The following SIPA1L1 variants were observed in gnomAD, a reference collection of about 807,000 sequenced individuals.
SIPA1L1 encodes signal-induced proliferation-associated 1-like protein 1.
SIPA1L1 carries 26 observed loss-of-function variants against 162.7 expected under a neutral mutation model. That is an observed-to-expected ratio of 0.16 (90% CI 0.12 to 0.22). SIPA1L1 has a LOEUF of 0.22. SIPA1L1 is among the 10% of genes least tolerant of loss of function. The pLI is 1.00. For missense variants in SIPA1L1, 1,874 were observed against 2,241.0 expected (o/e 0.84, Z 3.31); for synonymous variants, 829 against 837.4 (o/e 0.99, Z 0.17).
intron 2 of SIPA1L1, among the ~76,000 whole-genome samples, chr14:71,495,886 CAAAAAAAAAAAAA>C (rs61183823): frequency 1.2e-3 from 44 of 38,026 alleles, no homozygotes; most frequent in African/African-American, 4.0e-3. Flanking sequence ...TCCATCTCTA[CAAAAAAAAAAAAA>C]AAAAAAAAAA....
chr14:71,594,424 C>G (rs1427689798), intron 5 of SIPA1L1, among the ~76,000 whole-genome samples: 10 of 152,068 alleles, frequency 6.6e-5, no homozygotes, highest in Non-Finnish European at 1.5e-5. Flanking sequence ...TTTGTTTATT[C>G]AGTTTTTTTT....
intron 4 of SIPA1L1, among the ~76,000 whole-genome samples, chr14:71,580,170 C>G (rs571722498): frequency 3.9e-5 from 6 of 152,166 alleles, no homozygotes; most frequent in Admixed American, 2.0e-4. Flanking sequence ...ATCAGTACTA[C>G]CAGGTTCTTC....
intron 2 of SIPA1L1, among the ~76,000 whole-genome samples, chr14:71,356,620 G>C (rs1433537867): frequency 7.1e-6 from 1 of 140,020 alleles, no homozygotes; most frequent in Non-Finnish European, 1.5e-5. Flanking sequence ...CAGGGAGGCT[G>C]AGGCAGGAGG....
At chr14:71,665,444 C>G (rs976854562) in intron 10 of SIPA1L1, among the ~76,000 whole-genome samples, 9 of 152,122 alleles carry the variant, frequency 5.9e-5, no homozygotes, top group African/African-American at 2.2e-4. Flanking sequence ...TAAAGCTTAT[C>G]CCATAACTGA....
At chr14:71,436,394 G>A (rs1197916451) in intron 2 of SIPA1L1, among the ~76,000 whole-genome samples, 2 of 151,948 alleles carry the variant, frequency 1.3e-5, no homozygotes, top group East Asian at 1.9e-4. Flanking sequence ...TACTTTGTGG[G>A]GTTTTATGTT....
intron 2 of SIPA1L1, among the ~76,000 whole-genome samples, chr14:71,457,109 T>A (rs905136493): frequency 3.9e-5 from 6 of 152,006 alleles, no homozygotes; most frequent in Non-Finnish European, 8.8e-5. Flanking sequence ...AATATATTTT[T>A]TAATACTTCA....
At chr14:71,702,642 A>G in intron 15 of SIPA1L1, 137 bp downstream of exon 15, 2 of 788,022 alleles carry the variant, frequency 2.5e-6, no homozygotes, top group Admixed American at 6.0e-5. Context: ...TCTCTGTTAG[A>G]TTATGTATAA....
In SIPA1L1 at chr14:71,350,202, TGTG is replaced by T. The variant is rs1221218113; in HGVS notation, c.-465+29025_-465+29027del. On this transcript the variant is annotated intron_variant, in intron 2 of 23. Coordinates refer to ENST00000381232, the MANE Select transcript of SIPA1L1 (RefSeq NM_001386936.1). ...GGCGTGAGCCACCGCGCCTGGTTAA[TGTG>T]GTGAAACCCCGTCTCTACTAAACAC... Among the ~76,000 whole-genome samples, 10 of 151,326 alleles carry T rather than the reference TGTG, an allele frequency of 6.6e-5. No individual in the cohort carries two copies. The South Asian group carries it at 2.1e-3, about 32-fold the overall frequency.
chr14:71,613,087 C>T (rs2148365971), intron 5 of SIPA1L1, among the ~76,000 whole-genome samples: 1 of 152,184 alleles, frequency 6.6e-6, no homozygotes, highest in Middle Eastern at 3.4e-3. Flanking sequence ...CTTAGCTAAA[C>T]AGCACATCAA....
chr14:71,373,035 G>A, intron 2 of SIPA1L1, among the ~76,000 whole-genome samples: 1 of 152,238 alleles, frequency 6.6e-6, no homozygotes, highest in Non-Finnish European at 1.5e-5. Flanking sequence ...TGTTGGGCTG[G>A]GTGCAGTGGC....
intron 2 of SIPA1L1, among the ~76,000 whole-genome samples, chr14:71,389,547 T>C (rs1281170433): frequency 6.6e-6 from 1 of 152,220 alleles, no homozygotes. Context: ...TTTTATATTT[T>C]GTGTAGTCTT....
In SIPA1L1 at chr14:71,578,063, A is replaced by G. The variant is rs189097803; in HGVS notation, c.-302-9508A>G. On this transcript the variant is annotated intron_variant, in intron 4 of 23. Transcript: ENST00000381232. ...GTACCTCGGATTACAGGCACACGCT[A>G]TCATGCCTGGCTAATTTTTGTAGTT... is the stretch of plus-strand genomic sequence containing the variant. Among the ~76,000 whole-genome samples the G allele has an allele frequency of 4.9e-4, 75 of 152,088 alleles. 1 individual carries two copies. Among genetic ancestry groups the G allele is most frequent in the Admixed American group, 9.8e-4 (15 of 15,280 alleles).
intron 2 of SIPA1L1, among the ~76,000 whole-genome samples, chr14:71,322,445 A>G (rs932097609): frequency 3.9e-5 from 6 of 152,224 alleles, no homozygotes; most frequent in Non-Finnish European, 7.3e-5. Flanking sequence ...GAAAGCTGCA[A>G]TTAAGCTACC....
At chr14:71,689,513 A>C (rs193106087) in intron 13 of SIPA1L1, among the ~76,000 whole-genome samples, 67 of 152,364 alleles carry the variant, frequency 4.4e-4, no homozygotes, top group Middle Eastern at 3.4e-3. Context: ...TGAACTTGAT[A>C]CATTACTGTG....
At chr14:71,573,536 G>A in intron 4 of SIPA1L1, 1 of 456,632 alleles carries the variant, frequency 2.2e-6, no homozygotes, top group Non-Finnish European at 4.4e-6. Context: ...GATGTCTACA[G>A]CTGCACAAGG....
intron 2 of SIPA1L1, among the ~76,000 whole-genome samples, chr14:71,432,945 A>C (rs556551244): frequency 6.6e-6 from 1 of 152,342 alleles, no homozygotes; most frequent in East Asian, 1.9e-4. Context: ...CTGAACATGC[A>C]CAAATGCATG....
At chr14:71,378,587 G>GTGC (rs1339198658) in intron 2 of SIPA1L1, among the ~76,000 whole-genome samples, 1 of 152,106 alleles carries the variant, frequency 6.6e-6, no homozygotes, top group East Asian at 1.9e-4. Flanking sequence ...AATGTACCAT[G>GTGC]TGCATTTGAA....
chr14:71,583,379 G>T (rs2034189344), intron 4 of SIPA1L1, among the ~76,000 whole-genome samples: 1 of 152,140 alleles, frequency 6.6e-6, no homozygotes, highest in Non-Finnish European at 1.5e-5. Flanking sequence ...TCCTTCTACT[G>T]CCCTGAAACA....
At chr14:71,577,726 A>C (rs1175832658) in intron 4 of SIPA1L1, among the ~76,000 whole-genome samples, 2 of 126,060 alleles carry the variant, frequency 1.6e-5, no homozygotes, top group Non-Finnish European at 3.2e-5. Flanking sequence ...CTTGTTGGGC[A>C]TGCCTTTTTT....
Sources: gnomAD v4.1 joint callset for allele counts (sites outside exome capture counted in the v4.1 genomes callset) on GRCh38, gnomAD v4.1.1 for gene constraint, MANE v1.5 for transcripts, NCBI Gene and HGNC (gene_info 2026-07-23, HGNC 2026-07-21) for gene names.